Variants in PALM3 observed in about 807,000 individuals in gnomAD.
PALM3 encodes paralemmin 3, also known as paralemmin-3.
In PALM3, 20 loss-of-function variants were observed where a neutral mutation model predicts 27.9. The ratio of observed to expected loss-of-function variants is 0.72; its 90% CI spans 0.50 to 1.04. The LOEUF (loss-of-function observed/expected upper bound fraction) is 1.04. Ranked by LOEUF, PALM3 falls within the 50% of genes least tolerant of loss-of-function variation. The pLI is 0.00. For synonymous variants in PALM3, 328 were observed against 352.7 expected (o/e 0.93, Z 0.79); for missense variants, 814 against 869.4 (o/e 0.94, Z 0.80).
At chr19:14,060,668 G>T (rs1039423974) in intron 1 of PALM3, among the ~76,000 whole-genome samples, 1 of 152,238 alleles carries the variant, frequency 6.6e-6, no homozygotes, top group Admixed American at 6.5e-5. Flanking sequence ...AGCTGGCGAG[G>T]GGGGTGGGGG....
intron 2 of PALM3, among the ~76,000 whole-genome samples, chr19:14,058,298 G>T (rs1052836056): frequency 6.6e-6 from 1 of 151,052 alleles, no homozygotes; most frequent in African/African-American, 2.4e-5. Flanking sequence ...GGTGCAGATA[G>T]GTGGGGTATA....
chr19:14,055,487 T>C, intron 5 of PALM3, 62 bp from the exon 6 acceptor site: 1 of 1,524,776 alleles, frequency 6.6e-7, no homozygotes, highest in Non-Finnish European at 8.9e-7. Context: ...CCTCCCTGCA[T>C]GCTAGGCTCC....
In PALM3 at chr19:14,054,285, C is replaced by T. The variant is rs1976250856; in HGVS notation, c.1387G>A (p.Glu463Lys). 1.3e-6 allele frequency: 2 copies of T among 1,552,160 alleles called. No homozygotes were observed. Among genetic ancestry groups the T allele is most frequent in the African/African-American group, 2.7e-5 (2 of 72,988 alleles). ...GSAEKLGTER[E>K]GGEEPLGIER... ...ATGCCCAGTGGTTCCTCACCTCCTT[C>T]CCTCTCTGTTCCCAGCTTTTCTGCA... The change falls in exon 7 of 7, where the codon GAA becomes AAA. Residue 463 changes from glutamate to lysine, a missense_variant. Physicochemically the swap from Glu to Lys is moderately conservative, Grantham distance 56. Transcript: ENST00000669674.
intron 5 of PALM3, 126 bp downstream of exon 5, chr19:14,056,303 A>C: frequency 1.1e-6 from 1 of 925,548 alleles, no homozygotes; most frequent in South Asian, 1.5e-5. Context: ...AAAAGCGGGA[A>C]GCGGATCTGA....
In PALM3 at chr19:14,055,020, C is replaced by G. The variant is rs1352761473; in HGVS notation, c.652G>C (p.Val218Leu). The part of the protein sequence containing the change: ...TPEQGLSQRA[V>L]PSEGRVGEAK... ...TCACCCACCCGCCCTTCGGATGGCA[C>G]TGCCCTCTGACTTAGCCCCTGCTCT... The change falls in exon 7 of 7, where the codon GTG becomes CTG. Residue 218 changes from valine (V) to leucine (L), a missense_variant. Transcript: ENST00000669674. 6.5e-7 allele frequency: 1 copy of G among 1,549,986 alleles called. No individual in the cohort carries two copies. Among genetic ancestry groups the G allele is most frequent in the South Asian group, 1.2e-5 (1 of 83,802 alleles).
In PALM3 at chr19:14,054,357, CT is replaced by C. The variant is rs1241999305; in HGVS notation, c.1314del (p.Glu439ArgfsTer33). On this transcript the variant is annotated frameshift_variant, in exon 7 of 7. Transcript: ENST00000669674. LOFTEE classifies it low-confidence loss of function (END_TRUNC). ...AACTTCTTCTCTCCTCCTTTCCTCT[CT>C]ACCACTGGTGACATCTCCGCTTCAT... ...GRDEAEMSPV[V>X]ERKGGEKKLE... The C allele has an allele frequency of 6.4e-7, 1 of 1,552,078 alleles. No homozygotes were observed. Among genetic ancestry groups the C allele is most frequent in the Non-Finnish European group, 8.7e-7 (1 of 1,147,118 alleles).
intron 3 of PALM3, 102 bp downstream of exon 3, chr19:14,057,249 C>A (rs546924550): frequency 5.1e-5 from 42 of 826,022 alleles, no homozygotes; most frequent in South Asian, 1.5e-4. Flanking sequence ...CCGCTCCCCC[C>A]CAAAAATTGG....
In PALM3 at chr19:14,056,800, T is replaced by A. The variant is rs1329794817; in HGVS notation, c.176A>T (p.Lys59Met). Residue 59 changes from lysine to methionine, a missense_variant, in exon 4 of 7, where the codon AAG (lysine) becomes ATG (methionine). Transcript: ENST00000669674. ...CATTAGCCAACGTTCCCGGAGAGAC[T>A]TCCTCTGGGCAGGGGAAGGGAGTTG... ...EKLRVERLKR[K>M]SLRERWLMDG... The A allele has an allele frequency of 6.5e-7, 1 of 1,547,124 alleles. No homozygotes were observed. Among genetic ancestry groups the A allele is most frequent in the Non-Finnish European group, 8.7e-7 (1 of 1,144,722 alleles).
intron 2 of PALM3, 88 bp downstream of exon 2, chr19:14,059,027 G>A: frequency 7.9e-7 from 1 of 1,266,464 alleles, no homozygotes; most frequent in South Asian, 1.7e-5. Context: ...GGAGCTGAGG[G>A]CGCTCTCCGC....
In PALM3 at chr19:14,053,608, C is replaced by T. The variant is rs756704981; in HGVS notation, c.2064G>A (p.Met688Ile). The T allele has an allele frequency of 1.4e-6, 2 of 1,453,664 alleles. No homozygotes were observed. The highest frequency in any genetic ancestry group is 1.8e-6 in the Non-Finnish European group (2 of 1,100,938). 90.0% of individuals were successfully genotyped at this position (1,453,664 alleles called of 1,614,324 possible). The change falls in exon 7 of 7, where the codon ATG becomes ATA. Residue 688 changes from methionine to isoleucine, a missense_variant. By Grantham distance (10) the Met-to-Ile change is conservative (BLOSUM62 1). Coordinates refer to ENST00000669674, the MANE Select transcript of PALM3 (RefSeq NM_001145028.2). ...KQKTCQCCAVM is the reference protein window; with the variant it reads ...KQKTCQCCAVI ...CATGGGGTGGAGGGGCATGGGTTCACATGACCGCACAACACTGGCACGTCT... is the reference window on the plus strand; with the variant it reads ...CATGGGGTGGAGGGGCATGGGTTCATATGACCGCACAACACTGGCACGTCT...
At chr19:14,057,300 A>AC in intron 3 of PALM3, 51 bp downstream of exon 3, 1 of 1,210,136 alleles carries the variant, frequency 8.3e-7, no homozygotes, top group Non-Finnish European at 1.1e-6. Context: ...TTGCACAGAC[A>AC]CCCCCCACTC....
chr19:14,055,320 C>T, intron 6 of PALM3, 60 bp downstream of exon 6: 1 of 1,458,956 alleles, frequency 6.9e-7, no homozygotes, highest in East Asian at 2.5e-5. Context: ...CTTGAGTCAC[C>T]CTCTCACACC....
Position 14,054,416 on chromosome 19 carries a change from A to G in PALM3, c.1256T>C (p.Ile419Thr), listed in dbSNP as rs1311678771. 7.7e-6 allele frequency: 12 copies of G among 1,550,446 alleles called. No homozygotes were observed. The Middle Eastern group carries it at 5.0e-4, about 65-fold the overall frequency. ...TGTCCCTGGCTTTTCCTCACTTCCT[A>G]TTCCCATGGATTCTTCCGCTTTTCT... ...EKRKAEESMG[I>T]GSEEKPGTGR... is the part of the protein sequence containing the mutation. Residue 419 changes from isoleucine (I) to threonine (T), a missense_variant, in exon 7 of 7, where the codon ATA becomes ACA. Transcript: ENST00000669674.
rs903360030 is a variant in PALM3, at chr19:14,053,805, G to A, written c.1867C>T (p.Leu623Phe). The A allele has an allele frequency of 2.8e-5, 44 of 1,546,638 alleles. No homozygotes were observed. In the Admixed American group the frequency reaches 7.8e-4, roughly 27 times the overall value. Residue 623 changes from leucine (L) to phenylalanine (F), a missense_variant, in exon 7 of 7, where the codon CTT (leucine) becomes TTT (phenylalanine). Transcript: ENST00000669674. ...GQGPLGDATPLLAETPAPEQP... is the reference protein window; with the variant it reads ...GQGPLGDATPFLAETPAPEQP... ...TCTGGGGCTGGGGTCTCTGCCAGAA[G>A]AGGTGTGGCATCCCCCAAGGGGCCT...
In PALM3 at chr19:14,056,501, C is replaced by T; in HGVS notation, c.327G>A (p.Gln109=). The stretch of plus-strand genomic sequence containing the variant: ...TGGAAGCACTTTGCAACAGTTGCAG[C>T]TGGGACTGGAGTCTGAAGAAGAGAG... The part of the protein sequence containing the change: ...LEDSLFTLQS[Q]LQLLQSASTG... The change falls in exon 5 of 7, where the codon CAG becomes CAA. Residue 109 remains glutamine, a synonymous_variant. Transcript: ENST00000669674. 1.3e-6 allele frequency: 2 copies of T among 1,551,566 alleles called. No homozygotes were observed. The highest frequency in any genetic ancestry group is 1.2e-5 in the South Asian group (1 of 84,028).
Position 14,054,752 on chromosome 19 carries a change from A to T in PALM3, c.920T>A (p.Ile307Lys). Reference protein sequence around the residue: ...GGSDAEAMGEIGRVPEVVQTS... With the variant: ...GGSDAEAMGEKGRVPEVVQTS... ...CTGCACGACCTCAGGGACCCTGCCT[A>T]TCTCCCCCATGGCCTCTGCATCACT... The change falls in exon 7 of 7, where the codon ATA becomes AAA. Residue 307 changes from isoleucine (I) to lysine (K), a missense_variant. Ile to Lys is a moderately radical substitution (Grantham distance 102). Coordinates refer to ENST00000669674, the MANE Select transcript of PALM3 (RefSeq NM_001145028.2). 6.4e-7 allele frequency: 1 copy of T among 1,551,336 alleles called. No homozygotes were observed. Among genetic ancestry groups the T allele is most frequent in the East Asian group, 2.4e-5 (1 of 40,906 alleles).
At position 14,053,558 on chromosome 19, in the gene PALM3, C is replaced by T. The variant is rs1324702178; in HGVS notation, c.*47G>A. On this transcript the variant is annotated 3_prime_UTR_variant, in exon 7 of 7. Transcript: ENST00000669674. Reference sequence around the variant, plus strand: ...GACCCTCTTCTGGGTGCCAAGAGGCCGAGGTAGCTGTGAGAGGAGCTGGAC... The same window carrying T: ...GACCCTCTTCTGGGTGCCAAGAGGCTGAGGTAGCTGTGAGAGGAGCTGGAC... The T allele has an allele frequency of 4.0e-5, 57 of 1,433,522 alleles. No individual in the cohort carries two copies. Among genetic ancestry groups the T allele is most frequent in the Middle Eastern group, 2.1e-4 (1 of 4,866 alleles). 88.8% of individuals were successfully genotyped at this position (1,433,522 alleles called of 1,614,324 possible).
chr19:14,055,643 C>A (rs1380285513), intron 5 of PALM3, among the ~76,000 whole-genome samples: 1 of 152,182 alleles, frequency 6.6e-6, no homozygotes, highest in Non-Finnish European at 1.5e-5. Flanking sequence ...TACTGCATTC[C>A]CATAGCCAAT....
rs1976281545 is a variant in PALM3, at chr19:14,055,202, GCT to G, written c.468_469del (p.Arg156SerfsTer17). On this transcript the variant is annotated frameshift_variant, in exon 7 of 7. Coordinates refer to ENST00000669674, the MANE Select transcript of PALM3 (RefSeq NM_001145028.2). LOFTEE classifies it low-confidence loss of function (END_TRUNC). ...GCCCACTAGTCCAGCCGGCAGGGAG[GCT>G]CTCTTGTTCAGATCAGTCTGGCCTG... 1 of 1,536,604 alleles carries G rather than the reference GCT, an allele frequency of 6.5e-7. No homozygotes were observed. The highest frequency in any genetic ancestry group is 1.4e-5 in the African/African-American group (1 of 72,794).
Sources: allele counts gnomAD v4.1 joint callset (sites outside exome capture counted in the v4.1 genomes callset), GRCh38; gene constraint gnomAD v4.1.1; transcripts MANE v1.5; gene names NCBI Gene and HGNC (gene_info 2026-07-23, HGNC 2026-07-21).